SLC12A3: variants seen among roughly 807,000 people sequenced by gnomAD.
The protein encoded by SLC12A3 is Na-Cl cotransporter.
In SLC12A3, 104 loss-of-function variants were observed where a neutral mutation model predicts 121.0. The observed-to-expected ratio is 0.86, with a 90% CI of 0.73 to 1.01. The LOEUF is 1.01. Among genes scored for constraint, SLC12A3 ranks in the 50% least tolerant of loss-of-function variants. The pLI is 0.00. For synonymous variants in SLC12A3, 536 were observed against 533.4 expected, an observed-to-expected ratio of 1.00 and a Z score of -0.07; for missense variants, 1,328 against 1,356.3, an observed-to-expected ratio of 0.98 and a Z score of 0.33.
chr16:56,892,279 A>G, intron 20 of SLC12A3, 146 bp downstream of exon 20: 1 of 740,946 alleles, frequency 1.3e-6, no homozygotes, highest in Non-Finnish European at 2.4e-6. Context: ...TGCCTGAGTA[A>G]CTGGAGTTGG....
chr16:56,905,331 T>C (rs1596954244), intron 25 of SLC12A3, among the ~76,000 whole-genome samples: 1 of 96,096 alleles, frequency 1.0e-5, no homozygotes, highest in Admixed American at 1.5e-4. Context: ...AGAGCGAAAC[T>C]CCGTCTCAAA....
At chr16:56,913,125 G>T in intron 25 of SLC12A3, 139 bp from the exon 26 acceptor site, 1 of 1,058,838 alleles carries the variant, frequency 9.4e-7, no homozygotes, top group Admixed American at 1.9e-5. Flanking sequence ...GCGGAAAGTG[G>T]GGAGGTCATT....
intron 24 of SLC12A3, 155 bp from the exon 25 acceptor site, chr16:56,904,240 C>A: frequency 1.3e-6 from 1 of 747,842 alleles, no homozygotes; most frequent in East Asian, 2.7e-5. Context: ...CCCCTTCTTC[C>A]TGGAGACAGG....
chr16:56,904,086 T>C lies in SLC12A3; in HGVS notation c.2857-309T>C, dbSNP rs12447287. 0.34 allele frequency among the ~76,000 whole-genome samples: 51,224 copies of C among 152,084 alleles called. 9,828 individuals are homozygous for C. Among genetic ancestry groups the C allele is most frequent in the African/African-American group, 0.53 (22,061 of 41,462 alleles). On this transcript the variant is annotated intron_variant, in intron 24 of 25. Coordinates refer to ENST00000563236, the MANE Select transcript of SLC12A3 (RefSeq NM_001126108.2). ...TGACTTGCCCAAGTTCTCTCTGCTATGAAATGTGAGAGCTGAGATCTGAAC... is the reference window on the plus strand; with the variant it reads ...TGACTTGCCCAAGTTCTCTCTGCTACGAAATGTGAGAGCTGAGATCTGAAC...
At chr16:56,871,027 G>A (rs2144692005) in intron 6 of SLC12A3, among the ~76,000 whole-genome samples, 1 of 152,170 alleles carries the variant, frequency 6.6e-6, no homozygotes, top group South Asian at 2.1e-4. Context: ...TAGAGACGGG[G>A]TTTCACCATG....
chr16:56,909,370 T>G (rs1304381381), intron 25 of SLC12A3, among the ~76,000 whole-genome samples: 3 of 151,420 alleles, frequency 2.0e-5, no homozygotes, highest in Non-Finnish European at 2.9e-5. Flanking sequence ...GATGAAGAAT[T>G]TCATCCCGGG....
chr16:56,889,275 C>T (rs74021831), intron 18 of SLC12A3, among the ~76,000 whole-genome samples: 1 of 152,160 alleles, frequency 6.6e-6, no homozygotes, highest in Non-Finnish European at 1.5e-5. Flanking sequence ...CTCCAGCCTC[C>T]CTCCAGCTCC....
In SLC12A3 at chr16:56,893,011, G is replaced by C. The variant is rs754330966; in HGVS notation, c.2478G>C (p.Gln826His). Residue 826 changes from glutamine (Q) to histidine (H), a missense_variant, in exon 21 of 26, where the codon CAG (glutamine) becomes CAC (histidine). Gln to His is a conservative substitution (Grantham distance 24, BLOSUM62 0). Coordinates refer to ENST00000563236, the MANE Select transcript of SLC12A3 (RefSeq NM_001126108.2). ...CCACCACCATCTTCCAGTCGGAGCA[G>C]GGCAAGAAGACCATAGACATCTACT... is the stretch of plus-strand genomic sequence containing the variant. ...EQATTIFQSE[Q>H]GKKTIDIYWL... The C allele has an allele frequency of 1.9e-6, 3 of 1,614,080 alleles. No homozygotes were observed. The highest frequency in any genetic ancestry group is 1.1e-5 in the South Asian group (1 of 91,080).
intron 22 of SLC12A3, among the ~76,000 whole-genome samples, chr16:56,899,280 C>T (rs1160058087): frequency 1.9e-5 from 2 of 104,740 alleles, no homozygotes; most frequent in African/African-American, 1.2e-4. Flanking sequence ...TTTGGGAGGC[C>T]GAGGCAGGAT....
chr16:56,887,078 C>T lies in SLC12A3; in HGVS notation c.2163C>T (p.Val721=). ...TTGCCGAGGACCTCCGCAGAGGCGT[C>T]CAGATCCTCATGCAGGTGCCATGGA... ...DVIAEDLRRG[V]QILMQAAGLG... The change falls in exon 17 of 26, where the codon GTC becomes GTT. Residue 721 remains valine (V), a synonymous_variant. Transcript: ENST00000563236. 1 of 1,613,982 alleles carries T rather than the reference C, an allele frequency of 6.2e-7. No individual in the cohort carries two copies. Among genetic ancestry groups the T allele is most frequent in the Non-Finnish European group, 8.5e-7 (1 of 1,180,034 alleles).
chr16:56,869,317 G>A (rs1258677164), intron 3 of SLC12A3, among the ~76,000 whole-genome samples: 1 of 152,168 alleles, frequency 6.6e-6, no homozygotes, highest in Non-Finnish European at 1.5e-5. Flanking sequence ...GAGTATGACA[G>A]GAGGTAGACA....
intron 24 of SLC12A3, 130 bp downstream of exon 24, chr16:56,902,638 A>G: frequency 8.7e-7 from 1 of 1,146,456 alleles, no homozygotes. Flanking sequence ...CCCCTGAGGT[A>G]TCCTCAAGCC....
Position 56,886,991 on chromosome 16 carries a change from C to T in SLC12A3, c.2076C>T (p.Ile692=), listed in dbSNP as rs780880719. ...HKQRMPELQL[I]ANGHTKWLNK... is the part of the protein sequence containing the mutation. ...AGAGGATGCCTGAGCTCCAGCTCATCGCCAACGGGCACACCAAGTGGCTGA... is the reference window on the plus strand; with the variant it reads ...AGAGGATGCCTGAGCTCCAGCTCATTGCCAACGGGCACACCAAGTGGCTGA... Residue 692 remains isoleucine, a synonymous_variant, in exon 17 of 26, where the codon ATC becomes ATT. Transcript: ENST00000563236. The T allele has an allele frequency of 2.4e-5, 38 of 1,612,812 alleles. 1 individual carries two copies. In the Middle Eastern group the frequency reaches 5.0e-4, roughly 21 times the overall value.
chr16:56,884,797 C>T (rs758304304), intron 14 of SLC12A3, among the ~76,000 whole-genome samples: 4 of 152,084 alleles, frequency 2.6e-5, no homozygotes, highest in Non-Finnish European at 4.4e-5. Flanking sequence ...TGCAGTGTCT[C>T]ATTCTGTCAC....
intron 25 of SLC12A3, among the ~76,000 whole-genome samples, chr16:56,911,932 A>G (rs924458220): frequency 2.0e-5 from 3 of 152,234 alleles, no homozygotes; most frequent in Non-Finnish European, 4.4e-5. Context: ...TTTTAGCATC[A>G]CAAACATCCT....
At chr16:56,880,416 G>A (rs749790393) in intron 12 of SLC12A3, among the ~76,000 whole-genome samples, 163 bp downstream of exon 12, 13 of 152,188 alleles carry the variant, frequency 8.5e-5, no homozygotes, top group Non-Finnish European at 1.6e-4. Context: ...CCCCACCTGG[G>A]AGGAGACATC....
chr16:56,912,246 C>T (rs2055695911), intron 25 of SLC12A3, among the ~76,000 whole-genome samples: 1 of 152,264 alleles, frequency 6.6e-6, no homozygotes, highest in Non-Finnish European at 1.5e-5. Context: ...GCCCACAGAC[C>T]CTCCTGGAGC....
At position 56,913,857 on chromosome 16, in the gene SLC12A3, G is replaced by T. The variant is rs1416476570; in HGVS notation, c.*452G>T. 4.3e-6 allele frequency: 1 copy of T among 231,626 alleles called. No homozygotes were observed. The highest frequency in any genetic ancestry group is 2.3e-5 in the African/African-American group (1 of 43,776). The allele number at this position is 231,626 out of a possible 1,614,324, so 14.3% of individuals were successfully genotyped here. A position where few individuals can be genotyped will look rare whatever the true frequency, so the allele number is the denominator to read the frequency against. On this transcript the variant is annotated 3_prime_UTR_variant, in exon 26 of 26. Coordinates refer to ENST00000563236, the MANE Select transcript of SLC12A3 (RefSeq NM_001126108.2). ...GGAGCCTCACCTGTAGGACCTACAG[G>T]CTCTCTAAGGAATGCAGGTCTCTCT...
intron 8 of SLC12A3, among the ~76,000 whole-genome samples, chr16:56,876,970 C>G (rs1455229936): frequency 6.6e-6 from 1 of 152,248 alleles, no homozygotes; most frequent in African/African-American, 2.4e-5. Context: ...CCTCGCAGCT[C>G]TCTGCCCTCA....
Sources: gnomAD v4.1 joint callset for allele counts (sites outside exome capture counted in the v4.1 genomes callset) on GRCh38, gnomAD v4.1.1 for gene constraint, MANE v1.5 for transcripts, NCBI Gene and HGNC (gene_info 2026-07-23, HGNC 2026-07-21) for gene names.